Variants in CEP290 observed in about 807,000 individuals in gnomAD.
CEP290 encodes centrosomal protein 290.
CEP290 carries 317 observed loss-of-function variants against 344.9 expected under a neutral mutation model. The ratio of observed to expected loss-of-function variants is 0.92; its 90% CI spans 0.84 to 1.01. The LOEUF (loss-of-function observed/expected upper bound fraction) is 1.01. Ranked by LOEUF, CEP290 falls within the 50% of genes least tolerant of loss-of-function variation. The probability of loss-of-function intolerance (pLI) is 0.00; values close to 1 mark genes in which losing one functional copy is unlikely to be tolerated. For missense variants in CEP290, 2,754 were observed against 2,761.4 expected (o/e 1.00, Z 0.06); for synonymous variants, 932 against 895.8 (o/e 1.04, Z -0.72).
At chr12:88,049,523 C>G (rs748744450) in intron 53 of CEP290, 109 bp from the exon 54 acceptor site, 65 of 648,796 alleles carry the variant, frequency 1.0e-4, no homozygotes, top group Non-Finnish European at 1.3e-4. Flanking sequence ...CCTGAATGGT[C>G]AAATACAGCA....
At position 88,106,975 on chromosome 12, in the gene CEP290, T is replaced by A. The variant is rs565162072; in HGVS notation, c.2586+21A>T. ...TACTTTGTACAATATTGCATACTAATGTTAAAAATGTTTTACTTACATTAT... is the reference window on the plus strand; with the variant it reads ...TACTTTGTACAATATTGCATACTAAAGTTAAAAATGTTTTACTTACATTAT... On this transcript the variant is annotated intron_variant, in intron 24 of 53. Coordinates refer to ENST00000552810, the MANE Select transcript of CEP290 (RefSeq NM_025114.4). 2.2e-5 allele frequency: 33 copies of A among 1,532,432 alleles called. No homozygotes were observed. In the Admixed American group the frequency reaches 5.7e-4, roughly 27 times the overall value. 94.9% of individuals were successfully genotyped at this position (1,532,432 alleles called of 1,614,324 possible). A position where few individuals can be genotyped will look rare whatever the true frequency, so the allele number is the denominator to read the frequency against.
chr12:88,075,934 T>C (rs1198341519), intron 41 of CEP290, among the ~76,000 whole-genome samples: 1 of 152,180 alleles, frequency 6.6e-6, no homozygotes, highest in Non-Finnish European at 1.5e-5. Flanking sequence ...GCAATACAGA[T>C]AGTATTATTC....
chr12:88,081,481 G>A (rs1347833758), intron 37 of CEP290, among the ~76,000 whole-genome samples: 1 of 152,072 alleles, frequency 6.6e-6, no homozygotes, highest in Non-Finnish European at 1.5e-5. Context: ...TTGTGCATAT[G>A]GACACTGCAT....
Position 88,106,996 on chromosome 12 carries a change from A to G in CEP290, c.2586T>C (p.Asn862=), listed in dbSNP as rs886038695. Residue 862 remains asparagine (N), a splice_region_variant and synonymous_variant, in exon 24 of 54, where the codon AAT becomes AAC. Transcript: ENST00000552810. ...CTAATGTTAAAAATGTTTTACTTAC[A>G]TTATATTCTTTTACTTTTATAGCAT... The part of the protein sequence containing the change: ...QQDAIKVKEY[N]NLLNALQMDS... The G allele has an allele frequency of 2.6e-6, 4 of 1,542,380 alleles. No individual in the cohort carries two copies. Among genetic ancestry groups the G allele is most frequent in the Non-Finnish European group, 3.5e-6 (4 of 1,141,740 alleles).
At chr12:88,115,527 C>T (rs1275991053) in intron 18 of CEP290, 4 of 1,294,084 alleles carry the variant, frequency 3.1e-6, no homozygotes, top group East Asian at 5.5e-5. Flanking sequence ...TGCATTTCTA[C>T]ACTCTGCTTC....
At chr12:88,129,083 A>G in intron 10 of CEP290, 48 bp from the exon 11 acceptor site, 1 of 1,061,990 alleles carries the variant, frequency 9.4e-7, no homozygotes, top group Admixed American at 3.2e-5. Flanking sequence ...GATGTAACAT[A>G]TATTTACACC....
intron 19 of CEP290, 132 bp downstream of exon 19, chr12:88,114,966 G>C (rs1389502224): frequency 3.7e-6 from 2 of 543,270 alleles, no homozygotes; most frequent in Non-Finnish European, 6.5e-6. Context: ...ACAGACTGAA[G>C]TATATACAGT....
At position 88,095,111 on chromosome 12, in the gene CEP290, C is replaced by A. The variant is rs1173381181; in HGVS notation, c.3104-1136G>T. Reference sequence around the variant, plus strand: ...ATGGAATAAAGACTCATTCAAGTAACCTTAGGCACCATGTAGAAAAATACT... The same window carrying A: ...ATGGAATAAAGACTCATTCAAGTAAACTTAGGCACCATGTAGAAAAATACT... On this transcript the variant is annotated intron_variant, in intron 27 of 53. Coordinates refer to ENST00000552810, the MANE Select transcript of CEP290 (RefSeq NM_025114.4). Among the ~76,000 whole-genome samples, 11 of 152,176 alleles carry A rather than the reference C, an allele frequency of 7.2e-5. 1 individual carries two copies. Among genetic ancestry groups the A allele is most frequent in the African/African-American group, 2.7e-4 (11 of 41,506 alleles).
intron 27 of CEP290, among the ~76,000 whole-genome samples, chr12:88,095,962 A>G (rs2037395353): frequency 6.6e-6 from 1 of 152,238 alleles, no homozygotes; most frequent in South Asian, 2.1e-4. Context: ...ACTATAAGCA[A>G]TAGCAAAAAT....
At chr12:88,107,717 T>C (rs1323136652) in intron 23 of CEP290, among the ~76,000 whole-genome samples, 2 of 150,840 alleles carry the variant, frequency 1.3e-5, no homozygotes, top group Non-Finnish European at 2.9e-5. Flanking sequence ...GCGTGGACAA[T>C]ATGGCAAAAC....
chr12:88,130,342 C>G lies in CEP290; in HGVS notation c.595G>C (p.Gly199Arg). The change falls in exon 9 of 54, where the codon GGG becomes CGG. Residue 199 changes from glycine (G) to arginine (R), a missense_variant. Physicochemically the swap from Gly to Arg is moderately radical, Grantham distance 125. Transcript: ENST00000552810. ...TGTGATCGGTAGTCACTGTCTTCCC[C>G]TCTTCTTGATAAAAGTGTTTCTTTC... ...SQKETLLSRR[G>R]EDSDYRSQLS... 1 of 1,610,128 alleles carries G rather than the reference C, an allele frequency of 6.2e-7. No individual in the cohort carries two copies. The highest frequency in any genetic ancestry group is 8.5e-7 in the Non-Finnish European group (1 of 1,178,456).
chr12:88,090,879 C>A, intron 29 of CEP290, 40 bp from the exon 30 acceptor site: 1 of 1,283,958 alleles, frequency 7.8e-7, no homozygotes, highest in Non-Finnish European at 1.1e-6. Flanking sequence ...ATTAAGTACA[C>A]TTTCTAAGTA....
intron 41 of CEP290, among the ~76,000 whole-genome samples, chr12:88,074,085 C>T (rs1214811978): frequency 1.3e-5 from 2 of 152,032 alleles, no homozygotes; most frequent in East Asian, 1.9e-4. Context: ...ATTAGCCAGT[C>T]GTGGTGCCAG....
chr12:88,111,329 G>A lies in CEP290; in HGVS notation c.2240C>T (p.Thr747Ile), dbSNP rs765366980. Reference sequence around the variant, plus strand: ...TCCTTCTGATTGTCGTAAAAGACTAGTTTCTTTTTCAAGATGGTCTATCTG... The same window carrying A: ...TCCTTCTGATTGTCGTAAAAGACTAATTTCTTTTTCAAGATGGTCTATCTG... ...NLKIDHLEKE[T>I]SLLRQSEGSN... Residue 747 changes from threonine (T) to isoleucine (I), a missense_variant, in exon 22 of 54, where the codon ACT becomes ATT. Transcript: ENST00000552810. 6.4e-7 allele frequency: 1 copy of A among 1,562,040 alleles called. No homozygotes were observed. Among genetic ancestry groups the A allele is most frequent in the South Asian group, 1.2e-5 (1 of 82,434 alleles).
chr12:88,073,440 T>A (rs543810965), intron 41 of CEP290, among the ~76,000 whole-genome samples: 1 of 152,354 alleles, frequency 6.6e-6, no homozygotes, highest in African/African-American at 2.4e-5. Flanking sequence ...AGCATTTACA[T>A]GTTGAAATAT....
intron 17 of CEP290, among the ~76,000 whole-genome samples, 167 bp from the exon 18 acceptor site, chr12:88,117,312 C>T (rs1483662050): frequency 6.6e-6 from 1 of 152,168 alleles, no homozygotes; most frequent in Non-Finnish European, 1.5e-5. Context: ...TCATTTAGCT[C>T]ACTTTTAATG....
chr12:88,057,757 T>C (rs900415613), intron 49 of CEP290: 4 of 152,198 alleles, frequency 2.6e-5, no homozygotes, highest in East Asian at 1.9e-4. Flanking sequence ...TTAGACTTGG[T>C]TGACAGAGGC....
At chr12:88,088,934 C>G (rs1231952758) in intron 31 of CEP290, 98 bp downstream of exon 31, 1 of 811,594 alleles carries the variant, frequency 1.2e-6, no homozygotes, top group African/African-American at 1.8e-5. Context: ...GTCCCTTGAG[C>G]CCAGGAGTTC....
chr12:88,121,117 T>G lies in CEP290; in HGVS notation c.1239A>C (p.Leu413Phe). The change falls in exon 14 of 54, where the codon TTA becomes TTC. Residue 413 changes from leucine to phenylalanine, a missense_variant. Leu to Phe is a conservative substitution (Grantham distance 22). Coordinates refer to ENST00000552810, the MANE Select transcript of CEP290 (RefSeq NM_025114.4). ...CTTTAGTTTTCTCTTTTAAAATGTC[T>G]AACGTTGACTGAATTTTCATATGAG... ...QQTHMKIQST[L>F]DILKEKTKEA... 3 of 1,613,456 alleles carry G rather than the reference T, an allele frequency of 1.9e-6. No individual in the cohort carries two copies. The highest frequency in any genetic ancestry group is 2.5e-6 in the Non-Finnish European group (3 of 1,179,616).
Sources: allele counts gnomAD v4.1 joint callset (sites outside exome capture counted in the v4.1 genomes callset), GRCh38; gene constraint gnomAD v4.1.1; transcripts MANE v1.5; gene names NCBI Gene and HGNC (gene_info 2026-07-23, HGNC 2026-07-21).